The following LRRK1 variants were observed in gnomAD, a reference collection of about 807,000 sequenced individuals.
The protein encoded by LRRK1 is leucine rich repeat kinase 1, also known as leucine-rich repeat serine/threonine-protein kinase 1.
A neutral mutation model predicts 209.1 loss-of-function variants in LRRK1; 113 were observed. That is an observed-to-expected ratio of 0.54 (90% CI 0.46 to 0.63). The LOEUF (loss-of-function observed/expected upper bound fraction) is 0.63. LRRK1 is among the 30% of genes least tolerant of loss of function. The probability of loss-of-function intolerance (pLI) is 0.00; values close to 1 mark genes in which losing one functional copy is unlikely to be tolerated. For synonymous variants in LRRK1, 1,144 were observed against 1,099.7 expected (o/e 1.04, Z -0.80); for missense variants, 2,284 against 2,632.2 (o/e 0.87, Z 2.89).
intron 27 of LRRK1, among the ~76,000 whole-genome samples, chr15:101,056,311 G>A (rs189824815): frequency 5.6e-4 from 85 of 152,316 alleles, no homozygotes; most frequent in Non-Finnish European, 1.1e-3. Flanking sequence ...AGCTGAGGGT[G>A]TGTGTTTTCC....
intron 20 of LRRK1, among the ~76,000 whole-genome samples, chr15:101,037,821 A>G (rs1346602040): frequency 1.3e-5 from 2 of 152,218 alleles, no homozygotes; most frequent in African/African-American, 4.8e-5. Context: ...CAGATTTCTT[A>G]AAGAACTAAA....
At chr15:100,938,678 A>G (rs2042346569) in intron 2 of LRRK1, among the ~76,000 whole-genome samples, 1 of 152,146 alleles carries the variant, frequency 6.6e-6, no homozygotes, top group African/African-American at 2.4e-5. Flanking sequence ...TAGAAAAGAA[A>G]AAACAAAATA....
intron 2 of LRRK1, among the ~76,000 whole-genome samples, chr15:100,926,680 C>CTTT (rs71151990): frequency 6.4e-4 from 52 of 81,824 alleles, no homozygotes; most frequent in Non-Finnish European, 8.4e-4. Flanking sequence ...TTCTTTTTTT[C>CTTT]TTTTTTTTTT....
chr15:101,036,246 G>A (rs1426446533), intron 20 of LRRK1, among the ~76,000 whole-genome samples: 1 of 151,974 alleles, frequency 6.6e-6, no homozygotes, highest in African/African-American at 2.4e-5. Context: ...TTGCTTTATG[G>A]TGTCCCATAT....
intron 3 of LRRK1, among the ~76,000 whole-genome samples, chr15:100,977,275 G>T (rs113218622): frequency 1.3e-5 from 2 of 151,668 alleles, no homozygotes; most frequent in Non-Finnish European, 2.9e-5. Context: ...AAACTTACAG[G>T]CAGTCAACAA....
At chr15:101,049,894 G>C (rs929991704) in intron 23 of LRRK1, 111 bp downstream of exon 23, 3 of 1,222,420 alleles carry the variant, frequency 2.5e-6, no homozygotes, top group African/African-American at 3.0e-5. Context: ...TTCAGCCCAA[G>C]AAAACTAGGG....
At chr15:101,033,148 C>A (rs188503976) in intron 20 of LRRK1, among the ~76,000 whole-genome samples, 74 of 152,246 alleles carry the variant, frequency 4.9e-4, no homozygotes, top group African/African-American at 1.7e-3. Context: ...TTTCTTTTAT[C>A]AATACATAAT....
chr15:101,063,584 G>A (rs539957708), intron 31 of LRRK1, among the ~76,000 whole-genome samples: 6 of 152,272 alleles, frequency 3.9e-5, no homozygotes, highest in African/African-American at 7.2e-5. Flanking sequence ...GTGCATAGGC[G>A]CCCTCACTAA....
chr15:101,029,942 T>C (rs1249789618), intron 20 of LRRK1, among the ~76,000 whole-genome samples: 1 of 152,064 alleles, frequency 6.6e-6, no homozygotes, highest in Non-Finnish European at 1.5e-5. Context: ...CCAAATGCAG[T>C]CCAACATGAT....
At chr15:101,009,097 G>A in intron 7 of LRRK1, 34 bp downstream of exon 7, 1 of 1,502,472 alleles carries the variant, frequency 6.7e-7, no homozygotes, top group Non-Finnish European at 9.2e-7. Context: ...AGCCGTGTGT[G>A]ACCCCGCTGT....
At chr15:100,950,703 A>T (rs562255133) in intron 2 of LRRK1, among the ~76,000 whole-genome samples, 1 of 152,264 alleles carries the variant, frequency 6.6e-6, no homozygotes. Context: ...AAGTGAAAAG[A>T]ACCTGTGAAA....
intron 6 of LRRK1, among the ~76,000 whole-genome samples, chr15:100,994,386 G>T (rs182012944): frequency 1.9e-4 from 29 of 152,276 alleles, no homozygotes; most frequent in African/African-American, 6.5e-4. Context: ...AATCTGTAGC[G>T]TGAGACCCGG....
intron 2 of LRRK1, among the ~76,000 whole-genome samples, chr15:100,941,358 G>GTGCCTGTATC (rs1567190834): frequency 1.4e-5 from 2 of 141,988 alleles, no homozygotes; most frequent in African/African-American, 2.9e-5. Context: ...TTGTGTGTGT[G>GTGCCTGTATC]TGTGTGTGCC....
chr15:101,012,797 A>G (rs773558443), intron 10 of LRRK1, among the ~76,000 whole-genome samples: 16 of 152,132 alleles, frequency 1.1e-4, no homozygotes, highest in Non-Finnish European at 2.4e-4. Flanking sequence ...CTCAGAGAGG[A>G]TGGGCTATCA....
chr15:101,057,173 C>A, intron 28 of LRRK1, 123 bp downstream of exon 28: 1 of 753,756 alleles, frequency 1.3e-6, no homozygotes, highest in South Asian at 2.0e-5. Flanking sequence ...CTGCTCATTT[C>A]TTCTAGAGGG....
chr15:100,964,530 A>T (rs1161977660), intron 2 of LRRK1, among the ~76,000 whole-genome samples: 1 of 152,226 alleles, frequency 6.6e-6, no homozygotes, highest in Non-Finnish European at 1.5e-5. Context: ...AGGTCGTTAA[A>T]CAACTATGAC....
intron 11 of LRRK1, among the ~76,000 whole-genome samples, chr15:101,014,881 G>C (rs1348935167): frequency 6.6e-6 from 1 of 152,186 alleles, no homozygotes; most frequent in Non-Finnish European, 1.5e-5. Context: ...AGCCCCTAAT[G>C]GTGTCCTCTC....
intron 29 of LRRK1, among the ~76,000 whole-genome samples, chr15:101,060,343 C>T (rs962418453): frequency 6.6e-6 from 1 of 152,092 alleles, no homozygotes; most frequent in African/African-American, 2.4e-5. Flanking sequence ...TGTTTGTTTT[C>T]AAAGTAAAAG....
chr15:100,951,088 GT>G (rs1421818994), intron 2 of LRRK1, among the ~76,000 whole-genome samples: 1 of 152,230 alleles, frequency 6.6e-6, no homozygotes, highest in Non-Finnish European at 1.5e-5. Context: ...GGGCTACAGA[GT>G]GAGACTCCGT....
Sources: allele counts gnomAD v4.1 joint callset (sites outside exome capture counted in the v4.1 genomes callset), GRCh38; gene constraint gnomAD v4.1.1; transcripts MANE v1.5; gene names NCBI Gene and HGNC (gene_info 2026-07-23, HGNC 2026-07-21).